CFAP99: variants seen among roughly 807,000 people sequenced by gnomAD.
CFAP99 encodes the protein cilia- and flagella-associated protein 99.
A neutral mutation model predicts 82.7 loss-of-function variants in CFAP99; 84 were observed. The observed-to-expected ratio is 1.02, with a 90% CI of 0.85 to 1.22. The LOEUF (loss-of-function observed/expected upper bound fraction) is 1.22, where lower values mean the gene tolerates loss of function less well. CFAP99 is among the 50% of genes most tolerant of loss of function. CFAP99 has a pLI of 0.00. For missense variants in CFAP99, 1,059 were observed against 983.5 expected (o/e 1.08, Z -1.03); for synonymous variants, 456 against 429.5 (o/e 1.06, Z -0.76).
intron 2 of CFAP99, among the ~76,000 whole-genome samples, chr4:2,429,593 CTTTTTTT>C (rs33954359): frequency 2.9e-5 from 4 of 139,156 alleles, no homozygotes; most frequent in Non-Finnish European, 6.2e-5. Flanking sequence ...TTCTTTCTTT[CTTTTTTT>C]TTTTTTTTTG....
At chr4:2,420,018 T>G (rs982351130) in intron 1 of CFAP99, among the ~76,000 whole-genome samples, 7 of 152,050 alleles carry the variant, frequency 4.6e-5, no homozygotes, top group African/African-American at 1.7e-4. Context: ...CATCTCTTCC[T>G]TGAACTGTCA....
chr4:2,424,818 G>A (rs548928064), intron 1 of CFAP99, among the ~76,000 whole-genome samples: 8 of 152,286 alleles, frequency 5.3e-5, no homozygotes, highest in African/African-American at 9.6e-5. Flanking sequence ...GAACGTGTTC[G>A]GGGCGTCCCT....
At chr4:2,425,429 T>C (rs910274755) in intron 1 of CFAP99, among the ~76,000 whole-genome samples, 2 of 152,054 alleles carry the variant, frequency 1.3e-5, no homozygotes, top group African/African-American at 4.8e-5. Context: ...TGGGGGTCGC[T>C]TGCATGTTTT....
chr4:2,459,948 TG>T, intron 13 of CFAP99, 88 bp from the exon 14 acceptor site: 2 of 1,180,646 alleles, frequency 1.7e-6, no homozygotes, highest in Non-Finnish European at 2.4e-6. Context: ...GGGCAAGGGG[TG>T]GGCCTATGGA....
chr4:2,460,313 C>A, intron 14 of CFAP99, 71 bp downstream of exon 14: 2 of 1,375,710 alleles, frequency 1.5e-6, no homozygotes, highest in South Asian at 1.3e-5. Context: ...CTTGCACCCT[C>A]CTGGGTGGGT....
intron 2 of CFAP99, among the ~76,000 whole-genome samples, chr4:2,436,446 C>T (rs189738002): frequency 1.3e-5 from 2 of 152,200 alleles, no homozygotes; most frequent in Non-Finnish European, 2.9e-5. Flanking sequence ...TAGGCACATT[C>T]CCGCTGTTGT....
intron 4 of CFAP99, among the ~76,000 whole-genome samples, chr4:2,439,409 A>G (rs1733986758): frequency 6.6e-6 from 1 of 152,142 alleles, no homozygotes; most frequent in Non-Finnish European, 1.5e-5. Flanking sequence ...CAGATCTTCG[A>G]GGTCTCTCTT....
chr4:2,430,643 A>C (rs577415415), intron 2 of CFAP99, among the ~76,000 whole-genome samples: 2 of 152,318 alleles, frequency 1.3e-5, no homozygotes, highest in East Asian at 1.9e-4. Context: ...CCCTCCCCCA[A>C]AAAAAAGTAC....
chr4:2,420,722 C>T (rs903663381), intron 1 of CFAP99, among the ~76,000 whole-genome samples: 1 of 152,138 alleles, frequency 6.6e-6, no homozygotes, highest in African/African-American at 2.4e-5. Context: ...AAAAGAGGTC[C>T]ATGGAGAGGC....
chr4:2,445,509 A>T (rs1734145133), intron 6 of CFAP99, among the ~76,000 whole-genome samples: 1 of 151,596 alleles, frequency 6.6e-6, no homozygotes, highest in Non-Finnish European at 1.5e-5. Context: ...GAGCCCACCC[A>T]GTGGGTTCCC....
chr4:2,447,840 G>T, intron 6 of CFAP99, among the ~76,000 whole-genome samples: 1 of 151,182 alleles, frequency 6.6e-6, no homozygotes, highest in African/African-American at 2.4e-5. Flanking sequence ...GTGGATGGAT[G>T]GATGGATGGA....
intron 2 of CFAP99, among the ~76,000 whole-genome samples, chr4:2,434,111 G>A (rs541093812): frequency 1.3e-5 from 2 of 152,320 alleles, no homozygotes; most frequent in East Asian, 3.9e-4. Flanking sequence ...TTACTGCGCC[G>A]CAAGGTTGGC....
At chr4:2,460,780 T>G (rs751414615) in intron 14 of CFAP99, among the ~76,000 whole-genome samples, 6 of 152,206 alleles carry the variant, frequency 3.9e-5, no homozygotes, top group Non-Finnish European at 8.8e-5. Flanking sequence ...AGACAGAGTC[T>G]TGCTCTGTCA....
chr4:2,434,308 C>T (rs1166173517), intron 2 of CFAP99, among the ~76,000 whole-genome samples: 2 of 152,160 alleles, frequency 1.3e-5, no homozygotes, highest in Admixed American at 1.3e-4. Context: ...TCGAAGCTGG[C>T]TGAGATCACT....
chr4:2,457,547 C>T (rs1221592442), intron 11 of CFAP99, among the ~76,000 whole-genome samples: 1 of 152,154 alleles, frequency 6.6e-6, no homozygotes, highest in African/African-American at 2.4e-5. Flanking sequence ...CAGGCAGGAC[C>T]GTGGGTCCAA....
At chr4:2,428,974 T>TCCGTCTCC (rs1240491614) in intron 2 of CFAP99, 2 of 152,342 alleles carry the variant, frequency 1.3e-5, no homozygotes, top group East Asian at 3.9e-4. Flanking sequence ...CGGCAGCCGC[T>TCCGTCTCC]CCGTCTCCCC....
chr4:2,437,552 G>A (rs1733943444), intron 3 of CFAP99, among the ~76,000 whole-genome samples: 1 of 152,190 alleles, frequency 6.6e-6, no homozygotes, highest in African/African-American at 2.4e-5. Flanking sequence ...CAGGAAGGGA[G>A]AGGAGTGGGG....
intron 2 of CFAP99, among the ~76,000 whole-genome samples, chr4:2,436,301 A>G (rs1413374232): frequency 6.6e-6 from 1 of 152,074 alleles, no homozygotes; most frequent in Non-Finnish European, 1.5e-5. Context: ...TTGCTCATGC[A>G]TCATTCATTT....
At chr4:2,429,880 T>C (rs1427719433) in intron 2 of CFAP99, among the ~76,000 whole-genome samples, 4 of 152,350 alleles carry the variant, frequency 2.6e-5, no homozygotes, top group Admixed American at 6.5e-5. Flanking sequence ...CATGAGCCAC[T>C]GCACCCAGCC....
Sources: gnomAD v4.1 joint callset for allele counts (sites outside exome capture counted in the v4.1 genomes callset) on GRCh38, gnomAD v4.1.1 for gene constraint, MANE v1.5 for transcripts, NCBI Gene and HGNC (gene_info 2026-07-23, HGNC 2026-07-21) for gene names.